HEATR3: variants seen among roughly 807,000 people sequenced by gnomAD.
HEATR3 encodes HEAT repeat-containing protein 3.
In HEATR3, 56 loss-of-function variants were observed where a neutral mutation model predicts 72.8. The observed-to-expected ratio is 0.77, with a 90% CI of 0.62 to 0.96. The LOEUF is 0.96. HEATR3 is among the 40% of genes least tolerant of loss of function. The pLI, the probability that HEATR3 is intolerant of heterozygous loss-of-function variation, is 0.00. For missense variants in HEATR3, 747 were observed against 831.4 expected (o/e 0.90, Z 1.25); for synonymous variants, 331 against 318.1 (o/e 1.04, Z -0.43).
chr16:50,076,173 A>ATT (rs35922252), intron 6 of HEATR3, among the ~76,000 whole-genome samples: 161 of 150,460 alleles, frequency 1.1e-3, no homozygotes, highest in Admixed American at 3.9e-3. Context: ...ATGTTGAGAG[A>ATT]TTTTTTTTTT....
Position 50,066,114 on chromosome 16 carries a change from C to A in HEATR3, c.-18C>A, listed in dbSNP as rs534238703. The A allele has an allele frequency of 3.3e-5, 51 of 1,557,012 alleles. No individual in the cohort carries two copies. The Admixed American group carries it at 6.9e-4, about 21-fold the overall frequency. On this transcript the variant is annotated 5_prime_UTR_variant, in exon 1 of 15. Coordinates refer to ENST00000299192, the MANE Select transcript of HEATR3 (RefSeq NM_182922.4). Reference sequence around the variant, plus strand: ...TGCCCTCCTCTCTCGGTGGTCTGTCCGCCCAGCGCACGTCACCATGGGCAA... The same window carrying A: ...TGCCCTCCTCTCTCGGTGGTCTGTCAGCCCAGCGCACGTCACCATGGGCAA...
intron 13 of HEATR3, among the ~76,000 whole-genome samples, chr16:50,101,106 C>CTTTTTTTTTTT (rs5816674): frequency 1.4e-5 from 2 of 144,342 alleles, no homozygotes; most frequent in African/African-American, 2.5e-5. Context: ...ACTTGCAAAG[C>CTTTTTTTTTTT]TTTTTTTTTT....
In HEATR3 at chr16:50,105,215, G is replaced by T; in HGVS notation, c.*154G>T. ...ACTTCAAAACCTGGCCAGGCATGGT[G>T]GCTCACGCCTATAATCCCAGCACCT... On this transcript the variant is annotated 3_prime_UTR_variant, in exon 15 of 15. Coordinates refer to ENST00000299192, the MANE Select transcript of HEATR3 (RefSeq NM_182922.4). 1 of 770,922 alleles carries T rather than the reference G, an allele frequency of 1.3e-6. No individual in the cohort carries two copies. Among genetic ancestry groups the T allele is most frequent in the Non-Finnish European group, 2.0e-6 (1 of 494,830 alleles). 47.8% of individuals were successfully genotyped at this position (770,922 alleles called of 1,614,324 possible).
chr16:50,086,477 T>C, intron 11 of HEATR3, 126 bp downstream of exon 11: 1 of 1,054,386 alleles, frequency 9.5e-7, no homozygotes, highest in Non-Finnish European at 1.3e-6. Context: ...GACACAGGAA[T>C]CATGTATTTA....
chr16:50,106,876 TC>T lies in HEATR3; in HGVS notation c.*1817del, dbSNP rs1273742976. Reference sequence around the variant, plus strand: ...AAGATTGTTTCCCAGCCCTAAGAGTTCCTAGCCCATGGCACCAAGTAAAATA... The same window carrying T: ...AAGATTGTTTCCCAGCCCTAAGAGTTCTAGCCCATGGCACCAAGTAAAATA... On this transcript the variant is annotated 3_prime_UTR_variant, in exon 15 of 15. Coordinates refer to ENST00000299192, the MANE Select transcript of HEATR3 (RefSeq NM_182922.4). Among the ~76,000 whole-genome samples the T allele has an allele frequency of 6.6e-6, 1 of 152,114 alleles. No homozygotes were observed. Among genetic ancestry groups the T allele is most frequent in the Admixed American group, 6.6e-5 (1 of 15,248 alleles).
chr16:50,070,562 T>G (rs186261629), intron 4 of HEATR3, among the ~76,000 whole-genome samples: 28 of 152,024 alleles, frequency 1.8e-4, no homozygotes, highest in African/African-American at 6.5e-4. Flanking sequence ...ATTAGCCGAG[T>G]GTGGTGGTAC....
intron 7 of HEATR3, among the ~76,000 whole-genome samples, chr16:50,082,481 C>A (rs972572633): frequency 6.6e-6 from 1 of 151,710 alleles, no homozygotes; most frequent in Non-Finnish European, 1.5e-5. Context: ...ACACACAAAG[C>A]AAATAGAAAT....
In HEATR3 at chr16:50,066,286, G is replaced by T. The variant is rs755339679; in HGVS notation, c.138+17G>T. ...CTGGAAAAGGTGAGGCGAGGGCTCC[G>T]TCGGGCCGGGAGGCGAGACGAGGTT... is the stretch of plus-strand genomic sequence containing the variant. On this transcript the variant is annotated intron_variant, in intron 1 of 14. Transcript: ENST00000299192. 1 of 1,576,976 alleles carries T rather than the reference G, an allele frequency of 6.3e-7. No individual in the cohort carries two copies. Among genetic ancestry groups the T allele is most frequent in the Non-Finnish European group, 8.6e-7 (1 of 1,166,232 alleles).
At chr16:50,104,069 G>A (rs765260352) in intron 14 of HEATR3, among the ~76,000 whole-genome samples, 6 of 151,722 alleles carry the variant, frequency 4.0e-5, no homozygotes, top group Admixed American at 1.3e-4. Context: ...CAAAACCAGC[G>A]CTGGGCATGG....
Position 50,094,639 on chromosome 16 carries a change from T to C in HEATR3, c.1511-66T>C. 6.8e-6 allele frequency: 6 copies of C among 883,360 alleles called. No individual in the cohort carries two copies. In the Middle Eastern group the frequency reaches 1.5e-3, roughly 215 times the overall value. The allele number at this position is 883,360 out of a possible 1,614,324, so 54.7% of individuals were successfully genotyped here. A position where few individuals can be genotyped will look rare whatever the true frequency, so the allele number is the denominator to read the frequency against. On this transcript the variant is annotated intron_variant, in intron 11 of 14. Coordinates refer to ENST00000299192, the MANE Select transcript of HEATR3 (RefSeq NM_182922.4). ...AACATTTAGCATGCTTTGTTTTGTT[T>C]GTTGCTTCTACAAAATAGCCTATCT...
intron 4 of HEATR3, 68 bp downstream of exon 4, chr16:50,070,358 T>G (rs1250166977): frequency 1.6e-5 from 11 of 692,450 alleles, no homozygotes; most frequent in Non-Finnish European, 2.7e-5. Flanking sequence ...TGTTATACTG[T>G]GTAGGAATCT....
In HEATR3 at chr16:50,075,727, A is replaced by C; in HGVS notation, c.763+16A>C. On this transcript the variant is annotated intron_variant, in intron 6 of 14. Transcript: ENST00000299192. ...TTGGTAGCAGGTAAAATTTAGCCTTACGGCATAGTATATTGTTTCAGTAGC... is the reference window on the plus strand; with the variant it reads ...TTGGTAGCAGGTAAAATTTAGCCTTCCGGCATAGTATATTGTTTCAGTAGC... The C allele has an allele frequency of 6.2e-7, 1 of 1,607,606 alleles. No homozygotes were observed. Among genetic ancestry groups the C allele is most frequent in the Non-Finnish European group, 8.5e-7 (1 of 1,175,856 alleles).
Position 50,078,816 on chromosome 16 carries a change from T to C in HEATR3, c.839T>C (p.Leu280Ser), listed in dbSNP as rs2036797808. ...AEIINALLKI[L>S]SEVLGMDAGE... ...ATCATAAATGCCTTACTAAAGATCT[T>C]ATCTGAAGTTTTGGGAATGGATGCT... Residue 280 changes from leucine to serine, a missense_variant, in exon 7 of 15, where the codon TTA (leucine) becomes TCA (serine). Coordinates refer to ENST00000299192, the MANE Select transcript of HEATR3 (RefSeq NM_182922.4). 6 of 1,614,114 alleles carry C rather than the reference T, an allele frequency of 3.7e-6. No individual in the cohort carries two copies. The highest frequency in any genetic ancestry group is 1.1e-5 in the South Asian group (1 of 91,082).
chr16:50,072,129 T>C (rs2036625644), intron 4 of HEATR3, among the ~76,000 whole-genome samples: 3 of 152,194 alleles, frequency 2.0e-5, no homozygotes, highest in South Asian at 2.1e-4. Context: ...GTGATAAATA[T>C]AGAGGCCTTT....
At position 50,100,358 on chromosome 16, in the gene HEATR3, A is replaced by G. The variant is rs1029991052; in HGVS notation, c.1728A>G (p.Thr576=). ...TGSVLAKEDG[T]LETLKNIGCF... The stretch of plus-strand genomic sequence containing the variant: ...GCGTCCTTGCCAAAGAAGATGGTAC[A>G]CTTGAAACTCTTAAGGTAAAACAAT... Residue 576 remains threonine, a synonymous_variant, in exon 13 of 15, where the codon ACA becomes ACG. Transcript: ENST00000299192. 6.2e-7 allele frequency: 1 copy of G among 1,614,050 alleles called. No individual in the cohort carries two copies. Among genetic ancestry groups the G allele is most frequent in the Non-Finnish European group, 8.5e-7 (1 of 1,179,976 alleles).
chr16:50,083,863 C>A, intron 7 of HEATR3, 74 bp from the exon 8 acceptor site: 1 of 1,370,744 alleles, frequency 7.3e-7, no homozygotes, highest in Non-Finnish European at 1.0e-6. Context: ...AGTAGGCTTT[C>A]ACTAAGGAAA....
intron 7 of HEATR3, among the ~76,000 whole-genome samples, chr16:50,082,663 G>A (rs1376393771): frequency 6.8e-6 from 1 of 146,622 alleles, no homozygotes; most frequent in African/African-American, 2.5e-5. Flanking sequence ...GCTCATGCCT[G>A]TAATCTCAAC....
At chr16:50,095,777 A>G (rs181609382) in intron 12 of HEATR3, among the ~76,000 whole-genome samples, 11 of 152,190 alleles carry the variant, frequency 7.2e-5, no homozygotes. Flanking sequence ...ACATGGTTTC[A>G]TTCATCTCAC....
At chr16:50,099,423 T>C (rs2037317993) in intron 12 of HEATR3, among the ~76,000 whole-genome samples, 1 of 152,146 alleles carries the variant, frequency 6.6e-6, no homozygotes, top group African/African-American at 2.4e-5. Flanking sequence ...TGGGCAACTT[T>C]GTGAGACTTC....
Sources: gnomAD v4.1 joint callset for allele counts (sites outside exome capture counted in the v4.1 genomes callset) on GRCh38, gnomAD v4.1.1 for gene constraint, MANE v1.5 for transcripts, NCBI Gene and HGNC (gene_info 2026-07-23, HGNC 2026-07-21) for gene names.